SUCO: variants seen among roughly 807,000 people sequenced by gnomAD.
SUCO encodes the protein SUN domain containing ossification factor, also known as SUN domain-containing ossification factor.
A neutral mutation model predicts 148.1 loss-of-function variants in SUCO; 57 were observed. The ratio of observed to expected loss-of-function variants is 0.38; its 90% confidence interval spans 0.31 to 0.48. The LOEUF is 0.48. SUCO is among the 20% of genes least tolerant of loss of function. SUCO has a pLI of 0.96. For synonymous variants in SUCO, 470 were observed against 502.7 expected (o/e 0.93, Z 0.87); for missense variants, 1,331 against 1,468.2 (o/e 0.91, Z 1.53).
rs1280706727 is a variant in SUCO, at chr1:172,584,872, A to G, written c.1499-146A>G. On this transcript the variant is annotated intron_variant, in intron 15 of 23. Coordinates refer to ENST00000263688, the MANE Select transcript of SUCO (RefSeq NM_014283.5). Reference sequence around the variant, plus strand: ...TGGCTAAAATTTATTTGTGTCCTATATTGGACTTTAGTTGTGAGGTGAATA... The same window carrying G: ...TGGCTAAAATTTATTTGTGTCCTATGTTGGACTTTAGTTGTGAGGTGAATA... 1.2e-5 allele frequency: 6 copies of G among 514,076 alleles called. No homozygotes were observed. The East Asian group carries it at 1.6e-4, about 14-fold the overall frequency. The allele number at this position is 514,076 out of a possible 1,614,324, so 31.8% of individuals were successfully genotyped here.
intron 19 of SUCO, among the ~76,000 whole-genome samples, chr1:172,596,253 A>C (rs1657089460): frequency 6.6e-6 from 1 of 152,038 alleles, no homozygotes; most frequent in Non-Finnish European, 1.5e-5. Context: ...GAAGTTTGTT[A>C]TTACCAGTTG....
In SUCO at chr1:172,557,387, A is replaced by G. The variant is rs1415946409; in HGVS notation, c.551A>G (p.Glu184Gly). The G allele has an allele frequency of 2.5e-6, 4 of 1,614,002 alleles. No individual in the cohort carries two copies. The Admixed American group carries it at 6.7e-5, about 27-fold the overall frequency. ...GEALDASAPI[E>G]QPSFVSPPDS... The stretch of plus-strand genomic sequence containing the variant: ...GCCCTTGATGCTAGTGCTCCAATTG[A>G]ACAACCTTCCTTTGTCAGTCCACCT... Residue 184 changes from glutamate to glycine, a missense_variant, in exon 5 of 24, where the codon GAA (glutamate) becomes GGA (glycine). Glu to Gly is a moderately conservative substitution (Grantham distance 98, BLOSUM62 -2). Around this residue, in one of 3 missense-constraint regions of SUCO, gnomAD observed 992 missense variants for 1,093.5 expected, o/e 0.91. Transcript: ENST00000263688.
intron 11 of SUCO, chr1:172,576,963 C>A (rs983391812): frequency 2.4e-5 from 16 of 669,662 alleles, no homozygotes; most frequent in Non-Finnish European, 2.6e-5. Flanking sequence ...TTCGAAAGGC[C>A]AATTGGTATA....
chr1:172,600,866 C>A (rs923903057), intron 20 of SUCO, among the ~76,000 whole-genome samples: 2 of 152,034 alleles, frequency 1.3e-5, no homozygotes, highest in Non-Finnish European at 2.9e-5. Flanking sequence ...AAACCTGTTT[C>A]TAGCAGAACT....
intron 15 of SUCO, among the ~76,000 whole-genome samples, chr1:172,579,603 T>C (rs1371409420): frequency 1.3e-5 from 2 of 152,102 alleles, no homozygotes; most frequent in African/African-American, 4.8e-5. Context: ...TCTATGGGTA[T>C]GGTTAGTTTG....
At chr1:172,533,062 C>T (rs995767340), upstream of SUCO, 31 of 1,428,864 alleles carry the variant, frequency 2.2e-5, no homozygotes, top group African/African-American at 2.9e-4. Context: ...GTCGCGGCCC[C>T]GCCGGCGATT....
In SUCO at chr1:172,608,806, ATTGT is replaced by A. The variant is rs931943498; in HGVS notation, c.3321+7_3321+10del. ...CAAGTTTTCTCCAGAAAAGAAGGTA[ATTGT>A]TTATTTCTTTTTAAGTTTATTGCTA... On this transcript the variant is annotated splice_donor_5th_base_variant and intron_variant, in intron 23 of 23. Transcript: ENST00000263688. The A allele has an allele frequency of 1.3e-6, 2 of 1,552,190 alleles. No individual in the cohort carries two copies. Among genetic ancestry groups the A allele is most frequent in the African/African-American group, 1.4e-5 (1 of 72,772 alleles).
intron 18 of SUCO, 122 bp downstream of exon 18, chr1:172,590,048 T>G (rs1463802844): frequency 9.3e-6 from 7 of 755,702 alleles, no homozygotes; most frequent in Non-Finnish European, 1.3e-5. Flanking sequence ...TAAGCGCAAT[T>G]TTAGCAAGAG....
Position 172,535,920 on chromosome 1 carries a change from C to T in SUCO, c.62+2423C>T, listed in dbSNP as rs151309918. Among the ~76,000 whole-genome samples, 709 of 152,258 alleles carry T rather than the reference C, an allele frequency of 4.7e-3. 8 individuals are homozygous for T. Among genetic ancestry groups the T allele is most frequent in the African/African-American group, 0.016 (684 of 41,548 alleles). ...GATTATGTTTACAGAAAAACCATTTCATCTATGTCATTATTAATTTTTGTT... is the reference window on the plus strand; with the variant it reads ...GATTATGTTTACAGAAAAACCATTTTATCTATGTCATTATTAATTTTTGTT... On this transcript the variant is annotated intron_variant, in intron 1 of 23. Coordinates refer to ENST00000263688, the MANE Select transcript of SUCO (RefSeq NM_014283.5).
intron 22 of SUCO, among the ~76,000 whole-genome samples, chr1:172,605,027 T>G (rs1317042157): frequency 6.6e-6 from 1 of 151,686 alleles, no homozygotes; most frequent in Non-Finnish European, 1.5e-5. Context: ...ATTGTTTGAG[T>G]TTTTTGTTTT....
chr1:172,550,237 G>A (rs1653187605), intron 1 of SUCO, among the ~76,000 whole-genome samples: 1 of 151,894 alleles, frequency 6.6e-6, no homozygotes, highest in African/African-American at 2.4e-5. Flanking sequence ...TACCACCTCA[G>A]TATGTAGTTC....
rs776403700 is a variant in SUCO at position 172,589,680 on chromosome 1, C to G, written c.2579C>G (p.Ser860Cys). The change falls in exon 18 of 24, where the codon TCT (serine) becomes TGT (cysteine). Residue 860 changes from serine (S) to cysteine (C), a missense_variant. Coordinates refer to ENST00000263688, the MANE Select transcript of SUCO (RefSeq NM_014283.5). ...KQTLISVVDS[S>C]SLPEVKEEEQ... ...ACTTTGATTTCTGTTGTGGATTCTTCTTCATTACCTGAAGTAAAAGAAGAA... is the reference window on the plus strand; with the variant it reads ...ACTTTGATTTCTGTTGTGGATTCTTGTTCATTACCTGAAGTAAAAGAAGAA... 6.2e-7 allele frequency: 1 copy of G among 1,613,858 alleles called. No individual in the cohort carries two copies. Among genetic ancestry groups the G allele is most frequent in the Non-Finnish European group, 8.5e-7 (1 of 1,179,862 alleles).
chr1:172,578,164 A>T (rs1471684784), intron 13 of SUCO, 134 bp from the exon 14 acceptor site: 1 of 673,680 alleles, frequency 1.5e-6, no homozygotes, highest in Admixed American at 2.5e-5. Flanking sequence ...TGTAAGGAGC[A>T]GCCATTATTT....
At chr1:172,604,766 A>G (rs185408068) in intron 22 of SUCO, among the ~76,000 whole-genome samples, 2 of 151,946 alleles carry the variant, frequency 1.3e-5, no homozygotes, top group African/African-American at 4.8e-5. Context: ...GGATTCATAC[A>G]GTATTTGTCT....
At position 172,610,691 on chromosome 1, in the gene SUCO, T is replaced by C. The variant is rs1362255964; in HGVS notation, c.*432T>C. 6.4e-6 allele frequency: 1 copy of C among 155,212 alleles called. No homozygotes were observed. Among genetic ancestry groups the C allele is most frequent in the Admixed American group, 6.5e-5 (1 of 15,430 alleles). 9.6% of individuals were successfully genotyped at this position (155,212 alleles called of 1,614,324 possible). A position where few individuals can be genotyped will look rare whatever the true frequency, so the allele number is the denominator to read the frequency against. ...ACTTTTTCTGTTATTTGATTTCTTT[T>C]ATAACTTTGTTAGGTTTTTGAAGCT... On this transcript the variant is annotated 3_prime_UTR_variant, in exon 24 of 24. Coordinates refer to ENST00000263688, the MANE Select transcript of SUCO (RefSeq NM_014283.5).
At chr1:172,590,431 T>C in intron 18 of SUCO, 1 of 893,098 alleles carries the variant, frequency 1.1e-6, no homozygotes. Context: ...TAATTTCTGC[T>C]TTTAAGTGCC....
intron 19 of SUCO, among the ~76,000 whole-genome samples, chr1:172,598,015 A>G (rs1035191093): frequency 6.6e-6 from 1 of 152,228 alleles, no homozygotes; most frequent in Non-Finnish European, 1.5e-5. Flanking sequence ...GCCTAACGCA[A>G]AATCACAAAG....
rs142071248 is a variant in SUCO, at chr1:172,571,188, G to A, written c.1049+458G>A. On this transcript the variant is annotated intron_variant, in intron 9 of 23. Transcript: ENST00000263688. ...ATTCTCCTGCCTCAGCCTGCGGAGTGCCTGCGATTGCAGGCGCGCGCCACC... is the reference window on the plus strand; with the variant it reads ...ATTCTCCTGCCTCAGCCTGCGGAGTACCTGCGATTGCAGGCGCGCGCCACC... Among the ~76,000 whole-genome samples, 386 of 152,344 alleles carry A rather than the reference G, an allele frequency of 2.5e-3. 1 individual carries two copies. Among genetic ancestry groups the A allele is most frequent in the African/African-American group, 8.8e-3 (365 of 41,594 alleles).
intron 11 of SUCO, among the ~76,000 whole-genome samples, chr1:172,576,651 A>G (rs1296477844): frequency 2.0e-5 from 3 of 151,690 alleles, no homozygotes; most frequent in African/African-American, 4.8e-5. Flanking sequence ...AGGTGATAAA[A>G]TCGTATTTAA....
Sources: gnomAD v4.1 joint callset for allele counts (sites outside exome capture counted in the v4.1 genomes callset) on GRCh38, gnomAD v4.1.1 for gene constraint, gnomAD v4.1.1 regional missense constraint, MANE v1.5 for transcripts, NCBI Gene and HGNC (gene_info 2026-07-23, HGNC 2026-07-21) for gene names.